HERC2: variants seen among roughly 807,000 people sequenced by gnomAD.
HERC2 encodes the protein HECT and RLD domain containing E3 ubiquitin protein ligase 2, also known as E3 ubiquitin-protein ligase HERC2.
In HERC2, 102 loss-of-function variants were observed where a neutral mutation model predicts 537.7. The ratio of observed to expected loss-of-function variants is 0.19; its 90% CI spans 0.16 to 0.22. The LOEUF (loss-of-function observed/expected upper bound fraction) is 0.22, where lower values mean the gene tolerates loss of function less well. HERC2 is among the 10% of genes least tolerant of loss of function. The pLI is 1.00. For missense variants in HERC2, 4,236 were observed against 6,198.2 expected, an observed-to-expected ratio of 0.68 and a Z score of 10.63; for synonymous variants, 2,224 against 2,466.2, an observed-to-expected ratio of 0.90 and a Z score of 2.91.
chr15:28,298,148 GTGTTTTT>G (rs2076521040), intron 3 of HERC2, among the ~76,000 whole-genome samples: 1 of 150,546 alleles, frequency 6.6e-6, no homozygotes, highest in Non-Finnish European at 1.5e-5. Flanking sequence ...GGTTTGTTTT[GTGTTTTT>G]TGTTTTTTTT....
intron 55 of HERC2, 68 bp from the exon 56 acceptor site, chr15:28,186,820 C>G: frequency 8.5e-7 from 1 of 1,183,066 alleles, no homozygotes; most frequent in Admixed American, 1.8e-5. Flanking sequence ...AACTGGAGAA[C>G]GGGATGTGTG....
At position 28,265,653 on chromosome 15, in the gene HERC2, C is replaced by T. The variant is rs1186030568; in HGVS notation, c.1835G>A (p.Ser612Asn). The T allele has an allele frequency of 6.2e-7, 1 of 1,614,188 alleles. No individual in the cohort carries two copies. Among genetic ancestry groups the T allele is most frequent in the Non-Finnish European group, 8.5e-7 (1 of 1,180,028 alleles). Residue 612 changes from serine to asparagine, a missense_variant, in exon 14 of 93, where the codon AGT becomes AAT. Transcript: ENST00000261609. The surrounding 1 kb of genome is among the most constrained non-coding windows in gnomAD (Gnocchi z 4.0). ...GACAGCCAGGGTTTGAGCATCCCCA[C>T]TCCCACACGCCACATCGATGACCTT... ...GLKVIDVACGSGDAQTLAVTE... is the reference protein window; with the variant it reads ...GLKVIDVACGNGDAQTLAVTE...
At chr15:28,274,858 T>G in intron 6 of HERC2, 47 bp downstream of exon 6, 2 of 1,413,140 alleles carry the variant, frequency 1.4e-6, no homozygotes, top group Non-Finnish European at 2.0e-6. Context: ...ACCCAGTCTG[T>G]TGATGTATTA....
intron 30 of HERC2, 81 bp from the exon 31 acceptor site, chr15:28,230,581 G>A (rs1901724289): frequency 1.0e-6 from 1 of 997,966 alleles, no homozygotes; most frequent in African/African-American, 1.6e-5. Flanking sequence ...AGATTTACAT[G>A]AAGGACAAAT....
chr15:28,213,036 A>AC (rs1298011846), intron 42 of HERC2: 7 of 147,796 alleles, frequency 4.7e-5, no homozygotes, highest in Non-Finnish European at 9.0e-5. Flanking sequence ...ACATAGTGAA[A>AC]CCCCATCTCT....
chr15:28,132,374 T>TACA, intron 80 of HERC2, 113 bp from the exon 81 acceptor site: 1 of 1,019,574 alleles, frequency 9.8e-7, no homozygotes, highest in East Asian at 2.8e-5. Context: ...TTTAAGCCTT[T>TACA]ACAAAGAGGT....
At chr15:28,292,230 C>CAAAAA (rs34513876) in intron 4 of HERC2, among the ~76,000 whole-genome samples, 4 of 67,486 alleles carry the variant, frequency 5.9e-5, no homozygotes, top group East Asian at 4.7e-4. Context: ...ACTCCATCTC[C>CAAAAA]AAAAAAAAAA....
intron 50 of HERC2, among the ~76,000 whole-genome samples, chr15:28,197,315 A>G (rs1897440683): frequency 6.6e-6 from 1 of 152,234 alleles, no homozygotes; most frequent in Admixed American, 6.5e-5. Context: ...TAAAACGGAC[A>G]TAGTATACCT....
Position 28,274,997 on chromosome 15 carries a change from G to A in HERC2, c.551C>T (p.Pro184Leu). 1.9e-6 allele frequency: 3 copies of A among 1,605,404 alleles called. No individual in the cohort carries two copies. Among genetic ancestry groups the A allele is most frequent in the Non-Finnish European group, 1.7e-6 (2 of 1,178,940 alleles). ...GAGCCCCTCCACACCTTTGCCCGCA[G>A]GCCGGGAACTGCAGACGACACACAC... ...LPPVDKKSSR[P>L]AGKGVEGLAR... Residue 184 changes from proline (P) to leucine (L), a missense_variant, in exon 6 of 93, where the codon CCT becomes CTT. Pro to Leu is a moderately conservative substitution (Grantham distance 98). Around this residue, in one of 27 missense-constraint regions of HERC2, gnomAD observed 491 missense variants for 559.3 expected, o/e 0.88. Coordinates refer to ENST00000261609, the MANE Select transcript of HERC2 (RefSeq NM_004667.6).
intron 16 of HERC2, 91 bp downstream of exon 16, chr15:28,260,686 A>G: frequency 9.4e-7 from 1 of 1,062,250 alleles, no homozygotes; most frequent in Non-Finnish European, 1.4e-6. Context: ...AGAACAACAA[A>G]CAAAACTCAG....
rs768512112 is a variant in HERC2 at position 28,141,609 on chromosome 15, G to A, written c.11838C>T (p.Leu3946=). Residue 3946 remains leucine, a synonymous_variant, in exon 78 of 93, where the codon CTC becomes CTT. Transcript: ENST00000261609. ...WMNRRPDDWT[L]SAGGSGTIYG... is the part of the protein sequence containing the mutation. ...AAATTGTTCCACTGCCACCAGCAGA[G>A]AGAGTCCAGTCATCTGGTCGCCTAC... 1.9e-6 allele frequency: 3 copies of A among 1,614,162 alleles called. No homozygotes were observed. Among genetic ancestry groups the A allele is most frequent in the South Asian group, 1.1e-5 (1 of 91,088 alleles).
intron 44 of HERC2, among the ~76,000 whole-genome samples, chr15:28,206,832 CAAAAAAAAAAAAAAAA>C (rs71132838): frequency 1.1e-3 from 56 of 51,480 alleles, no homozygotes; most frequent in African/African-American, 3.2e-3. Context: ...GACTCGGTCT[CAAAAAAAAAAAAAAAA>C]AAAAAAAAAA....
At position 28,178,880 on chromosome 15, in the gene HERC2, C is replaced by T. The variant is rs761876840; in HGVS notation, c.9163+7G>A. 2 of 1,612,534 alleles carry T rather than the reference C, an allele frequency of 1.2e-6. No individual in the cohort carries two copies. Among genetic ancestry groups the T allele is most frequent in the South Asian group, 2.2e-5 (2 of 91,006 alleles). On this transcript the variant is annotated splice_region_variant and intron_variant, in intron 59 of 92. Coordinates refer to ENST00000261609, the MANE Select transcript of HERC2 (RefSeq NM_004667.6). ...CCCGCACAGGCCTCCTGGTGCTTGG[C>T]TTGTACCTGAGTGAACAGCCACCTT... is the stretch of plus-strand genomic sequence containing the variant.
Position 28,274,916 on chromosome 15 carries a change from G to T in HERC2, c.632C>A (p.Ala211Asp). The part of the protein sequence containing the change: ...LSFAFAFLRR[A>D]WRSGEDADLC... ...ACCAGGGACCGTACCTGATCGCCAG[G>T]CCCTGCGCAGGAAGGCAAAGGCAAA... Residue 211 changes from alanine (A) to aspartate (D), a missense_variant, in exon 6 of 93, where the codon GCC becomes GAC. Ala to Asp is a moderately radical substitution (Grantham distance 126). Around this residue, in one of 27 missense-constraint regions of HERC2, gnomAD observed 491 missense variants for 559.3 expected, o/e 0.88. Transcript: ENST00000261609. 1 of 1,611,098 alleles carries T rather than the reference G, an allele frequency of 6.2e-7. No homozygotes were observed.
chr15:28,300,052 T>TAA lies in HERC2; in HGVS notation c.73-538_73-537dup, dbSNP rs34917808. On this transcript the variant is annotated intron_variant, in intron 2 of 92. Coordinates refer to ENST00000261609, the MANE Select transcript of HERC2 (RefSeq NM_004667.6). Reference sequence around the variant, plus strand: ...GAGTGACAAGAGCGAGACTCGGTGTTAAAAAAAAAAAAAAAAGAAAAGAAA... The same window carrying TAA: ...GAGTGACAAGAGCGAGACTCGGTGTTAAAAAAAAAAAAAAAAAAGAAAAGAAA... Among the ~76,000 whole-genome samples the TAA allele has an allele frequency of 1.2e-3, 153 of 126,224 alleles. 3 individuals carry two copies. Among genetic ancestry groups the TAA allele is most frequent in the Middle Eastern group, 4.2e-3 (1 of 236 alleles). 82.8% of individuals were successfully genotyped at this position (126,224 alleles called of 152,430 possible). A position where few individuals can be genotyped will look rare whatever the true frequency, so the allele number is the denominator to read the frequency against.
chr15:28,114,282 G>A (rs1306786840), intron 90 of HERC2, among the ~76,000 whole-genome samples: 2 of 152,218 alleles, frequency 1.3e-5, no homozygotes, highest in African/African-American at 2.4e-5. Context: ...GCAGCCTGGA[G>A]GGGGTTGAGA....
chr15:28,245,602 CACAGATATATATAT>C (rs1903614762), intron 23 of HERC2, among the ~76,000 whole-genome samples: 1 of 142,902 alleles, frequency 7.0e-6, no homozygotes, highest in South Asian at 2.2e-4. Flanking sequence ...CACACACACA[CACAGATATATATAT>C]ACACACACAT....
chr15:28,129,264 T>C (rs1024102599), intron 83 of HERC2, among the ~76,000 whole-genome samples: 1 of 152,218 alleles, frequency 6.6e-6, no homozygotes, highest in African/African-American at 2.4e-5. Context: ...GATGGGGACC[T>C]GTGGCAAAGC....
chr15:28,252,386 A>G (rs550908816), intron 20 of HERC2, among the ~76,000 whole-genome samples: 1 of 152,256 alleles, frequency 6.6e-6, no homozygotes, highest in East Asian at 1.9e-4. Flanking sequence ...CCCCCTGCCA[A>G]AGACACCAAT....
Sources: gnomAD v4.1 joint callset for allele counts (sites outside exome capture counted in the v4.1 genomes callset) on GRCh38, gnomAD v4.1.1 for gene constraint, gnomAD v4.1.1 regional missense constraint, Gnocchi (gnomAD v3.1) non-coding constraint, MANE v1.5 for transcripts, NCBI Gene and HGNC (gene_info 2026-07-23, HGNC 2026-07-21) for gene names.